MEX3D: variants seen among roughly 807,000 people sequenced by gnomAD.
MEX3D encodes mex-3 RNA binding family member D.
MEX3D carries 4 observed loss-of-function variants against 6.3 expected under a neutral mutation model. The observed-to-expected ratio is 0.64, with a 90% CI of 0.31 to 1.46. The LOEUF (loss-of-function observed/expected upper bound fraction) is 1.46, where lower values mean the gene tolerates loss of function less well. Among genes scored for constraint, MEX3D ranks in the 40% most tolerant of loss-of-function variants. The pLI is 0.07. For synonymous variants in MEX3D, 626 were observed against 494.1 expected (o/e 1.27, Z -3.54); for missense variants, 1,038 against 994.4 (o/e 1.04, Z -0.59).
Position 1,555,977 on chromosome 19 carries a change from C to T in MEX3D, c.1542G>A (p.Ser514=), listed in dbSNP as rs911852160. 7.9e-4 allele frequency: 926 copies of T among 1,172,960 alleles called. No individual in the cohort carries two copies. Among genetic ancestry groups the T allele is most frequent in the Non-Finnish European group, 9.2e-4 (873 of 949,724 alleles). The allele number at this position is 1,172,960 out of a possible 1,614,324, so 72.7% of individuals were successfully genotyped here. The change falls in exon 2 of 2, where the codon TCG becomes TCA. Residue 514 remains serine (S), a synonymous_variant. Coordinates refer to ENST00000402693, the MANE Select transcript of MEX3D (RefSeq NM_203304.4). ...RSSGAGTPRH[S]PTLPEPGGLR... is the part of the protein sequence containing the mutation. ...GGCCGCCGGGCTCGGGCAGCGTGGGCGAGTGGCGGGGGGTCCCGGCCCCAC... is the reference window on the plus strand; with the variant it reads ...GGCCGCCGGGCTCGGGCAGCGTGGGTGAGTGGCGGGGGGTCCCGGCCCCAC...
Position 1,555,901 on chromosome 19 carries a change from C to T in MEX3D, c.1618G>A (p.Ala540Thr), listed in dbSNP as rs970362498. The T allele has an allele frequency of 1.8e-5, 22 of 1,234,010 alleles. No individual in the cohort carries two copies. Among genetic ancestry groups the T allele is most frequent in the African/African-American group, 3.2e-5 (2 of 62,408 alleles). 76.4% of individuals were successfully genotyped at this position (1,234,010 alleles called of 1,614,324 possible). ...CCCTGCGGGGGTCGCCAGGACAGCGCGCCCACCGGGTCCGGGGCGCCACGG... is the reference window on the plus strand; with the variant it reads ...CCCTGCGGGGGTCGCCAGGACAGCGTGCCCACCGGGTCCGGGGCGCCACGG... ...SRRGAPDPVGALSWRPPQGPV... is the reference protein window; with the variant it reads ...SRRGAPDPVGTLSWRPPQGPV... The change falls in exon 2 of 2, where the codon GCG becomes ACG. Residue 540 changes from alanine (A) to threonine (T), a missense_variant. By Grantham distance (58) the Ala-to-Thr change is moderately conservative. Transcript: ENST00000402693.
At position 1,556,114 on chromosome 19, in the gene MEX3D, C is replaced by A. The variant is rs1460280023; in HGVS notation, c.1405G>T (p.Ala469Ser). 24 of 1,455,708 alleles carry A rather than the reference C, an allele frequency of 1.6e-5. No individual in the cohort carries two copies. The highest frequency in any genetic ancestry group is 2.1e-5 in the Non-Finnish European group (23 of 1,103,538). The allele number at this position is 1,455,708 out of a possible 1,614,324, so 90.2% of individuals were successfully genotyped here. A position where few individuals can be genotyped will look rare whatever the true frequency, so the allele number is the denominator to read the frequency against. ...TCAAAAGGCGCCCAGATGGTGGCCG[C>A]GGCGGGCACGGTCAGGTCCAGCGCC... The part of the protein sequence containing the change: ...FLALDLTVPA[A>S]ATIWAPFERA... The change falls in exon 2 of 2, where the codon GCG becomes TCG. Residue 469 changes from alanine (A) to serine (S), a missense_variant. By Grantham distance (99) the Ala-to-Ser change is moderately conservative (BLOSUM62 1). Coordinates refer to ENST00000402693, the MANE Select transcript of MEX3D (RefSeq NM_203304.4). This position sits in a 1 kb window ranked among gnomAD's most constrained non-coding sequence, Gnocchi z 7.5.
Position 1,555,825 on chromosome 19 carries a change from G to A in MEX3D, c.1694C>T (p.Pro565Leu), listed in dbSNP as rs907667502. The A allele has an allele frequency of 1.5e-6, 2 of 1,357,614 alleles. No individual in the cohort carries two copies. Among genetic ancestry groups the A allele is most frequent in the East Asian group, 3.2e-5 (1 of 31,314 alleles). 84.1% of individuals were successfully genotyped at this position (1,357,614 alleles called of 1,614,324 possible). The change falls in exon 2 of 2, where the codon CCC (proline) becomes CTC (leucine). Residue 565 changes from proline to leucine, a missense_variant. Physicochemically the swap from Pro to Leu is moderately conservative, Grantham distance 98. This residue lies in a region of MEX3D where 581 missense variants were observed against 516.2 expected (regional missense o/e 1.13). Transcript: ENST00000402693. Reference sequence around the variant, plus strand: ...GCAGGCGGCGGCCGCGGGGCTGCTGGGCAGCGAGGTGGCCGTGGAGAAGGC... The same window carrying A: ...GCAGGCGGCGGCCGCGGGGCTGCTGAGCAGCGAGGTGGCCGTGGAGAAGGC... ...GAAFSTATSL[P>L]SSPAAAACAP...
chr19:1,558,980 GTT>G (rs113227025), intron 1 of MEX3D, among the ~76,000 whole-genome samples: 4 of 144,164 alleles, frequency 2.8e-5, no homozygotes, highest in African/African-American at 7.6e-5. Flanking sequence ...GGCCTTAATG[GTT>G]TTTTTTTTTT....
chr19:1,567,805 TCCCCGGCCGC>T lies in MEX3D; in HGVS notation c.244_253del (p.Ala82ThrfsTer83). 1 of 874,314 alleles carries T rather than the reference TCCCCGGCCGC, an allele frequency of 1.1e-6. No individual in the cohort carries two copies. The highest frequency in any genetic ancestry group is 1.4e-6 in the Non-Finnish European group (1 of 736,868). 54.2% of individuals were successfully genotyped at this position (874,314 alleles called of 1,614,324 possible). ...CGCGCCCCCCGCCGCCGCTGCGCCG[TCCCCGGCCGC>T]CCCCTCCTCGTCCGTGTCGCCAGCG... On this transcript the variant is annotated frameshift_variant, in exon 1 of 2. Transcript: ENST00000402693. LOFTEE classifies it high-confidence loss of function. This position sits in a 1 kb window ranked among gnomAD's most constrained non-coding sequence, Gnocchi z 6.5.
At chr19:1,559,714 A>G (rs1914671027) in intron 1 of MEX3D, among the ~76,000 whole-genome samples, 1 of 152,210 alleles carries the variant, frequency 6.6e-6, no homozygotes, top group African/African-American at 2.4e-5. Context: ...TGAAATGAGC[A>G]GGATCAGCAC....
chr19:1,565,687 C>T (rs1402994769), intron 1 of MEX3D, among the ~76,000 whole-genome samples: 1 of 152,208 alleles, frequency 6.6e-6, no homozygotes. Flanking sequence ...ACTCTACCCC[C>T]GACCCCCACT....
rs1022714724 is a variant in MEX3D at position 1,555,494 on chromosome 19, G to A, written c.*69C>T. ...CCTCCCCGTCCCTCTCCCACCCCGGGTCCCGCCCCGTCTCCCGCGCCCACC... is the reference window on the plus strand; with the variant it reads ...CCTCCCCGTCCCTCTCCCACCCCGGATCCCGCCCCGTCTCCCGCGCCCACC... On this transcript the variant is annotated 3_prime_UTR_variant, in exon 2 of 2. Transcript: ENST00000402693. 1.8e-5 allele frequency: 26 copies of A among 1,424,110 alleles called. No homozygotes were observed. The highest frequency in any genetic ancestry group is 3.0e-5 in the African/African-American group (2 of 66,486). The allele number at this position is 1,424,110 out of a possible 1,614,324, so 88.2% of individuals were successfully genotyped here. A position where few individuals can be genotyped will look rare whatever the true frequency, so the allele number is the denominator to read the frequency against.
At chr19:1,558,287 C>T (rs561636499) in intron 1 of MEX3D, among the ~76,000 whole-genome samples, 1 of 151,516 alleles carries the variant, frequency 6.6e-6, no homozygotes, top group Non-Finnish European at 1.5e-5. Flanking sequence ...ATCACCTGAG[C>T]CCGGGAGGTG....
chr19:1,555,268 A>T lies in MEX3D; in HGVS notation c.*295T>A, dbSNP rs1285583446. 2.0e-6 allele frequency: 3 copies of T among 1,509,304 alleles called. No homozygotes were observed. Among genetic ancestry groups the T allele is most frequent in the Non-Finnish European group, 2.7e-6 (3 of 1,113,020 alleles). The allele number at this position is 1,509,304 out of a possible 1,614,324, so 93.5% of individuals were successfully genotyped here. A position where few individuals can be genotyped will look rare whatever the true frequency, so the allele number is the denominator to read the frequency against. On this transcript the variant is annotated 3_prime_UTR_variant, in exon 2 of 2. Coordinates refer to ENST00000402693, the MANE Select transcript of MEX3D (RefSeq NM_203304.4). Reference sequence around the variant, plus strand: ...ACCCTGGAGGGGAGGGGTGTCTAAAAATAAGAAAACTAAAAAAAGTGCAAG... The same window carrying T: ...ACCCTGGAGGGGAGGGGTGTCTAAATATAAGAAAACTAAAAAAAGTGCAAG...
chr19:1,558,816 G>A (rs1453624330), intron 1 of MEX3D, among the ~76,000 whole-genome samples: 1 of 152,196 alleles, frequency 6.6e-6, no homozygotes, highest in Non-Finnish European at 1.5e-5. Flanking sequence ...GGGGCCTGCT[G>A]TGGCTTTGTT....
In MEX3D at chr19:1,555,529, C is replaced by T. The variant is rs749392960; in HGVS notation, c.*34G>A. 6 of 1,535,802 alleles carry T rather than the reference C, an allele frequency of 3.9e-6. No homozygotes were observed. The highest frequency in any genetic ancestry group is 3.9e-5 in the Admixed American group (2 of 50,656). On this transcript the variant is annotated 3_prime_UTR_variant, in exon 2 of 2. Coordinates refer to ENST00000402693, the MANE Select transcript of MEX3D (RefSeq NM_203304.4). ...GTCTCCCGCGCCCACCCCTGGCCCCCGCAGATGGCCCCGGCCACGTGGTGG... is the reference window on the plus strand; with the variant it reads ...GTCTCCCGCGCCCACCCCTGGCCCCTGCAGATGGCCCCGGCCACGTGGTGG...
rs528808786 is a variant in MEX3D at position 1,555,253 on chromosome 19, G to A, written c.*310C>T. 3.7e-5 allele frequency: 53 copies of A among 1,417,126 alleles called. No homozygotes were observed. Among genetic ancestry groups the A allele is most frequent in the East Asian group, 2.1e-4 (7 of 33,948 alleles). 87.8% of individuals were successfully genotyped at this position (1,417,126 alleles called of 1,614,324 possible). ...GCTTTTTTAAAGATCACCCTGGAGG[G>A]GAGGGGTGTCTAAAAATAAGAAAAC... On this transcript the variant is annotated 3_prime_UTR_variant, in exon 2 of 2. Coordinates refer to ENST00000402693, the MANE Select transcript of MEX3D (RefSeq NM_203304.4).
At chr19:1,557,743 C>T (rs1285919747) in intron 1 of MEX3D, among the ~76,000 whole-genome samples, 2 of 150,828 alleles carry the variant, frequency 1.3e-5, no homozygotes, top group Admixed American at 6.6e-5. Context: ...TCTGTAGTCC[C>T]AGGTACTCGG....
rs771812461 is a variant in MEX3D, at chr19:1,567,444, C to T, written c.595+20G>A. On this transcript the variant is annotated intron_variant, in intron 1 of 1. Coordinates refer to ENST00000402693, the MANE Select transcript of MEX3D (RefSeq NM_203304.4). This position sits in a 1 kb window ranked among gnomAD's most constrained non-coding sequence, Gnocchi z 6.5. ...GTGCGGGGACCCCCAGGACAGCAAC[C>T]CCCGACGAGGGCCACTCACCCTGGC... 1.5e-5 allele frequency: 24 copies of T among 1,556,910 alleles called. No individual in the cohort carries two copies. Among genetic ancestry groups the T allele is most frequent in the Non-Finnish European group, 2.0e-5 (23 of 1,154,440 alleles).
At chr19:1,560,928 C>A (rs1391360527) in intron 1 of MEX3D, among the ~76,000 whole-genome samples, 4 of 152,228 alleles carry the variant, frequency 2.6e-5, no homozygotes, top group Admixed American at 1.3e-4. Context: ...GGAAATGACA[C>A]AGCGAGGCTA....
chr19:1,555,470 C>G lies in MEX3D; in HGVS notation c.*93G>C. The G allele has an allele frequency of 6.7e-7, 1 of 1,495,116 alleles. No homozygotes were observed. Among genetic ancestry groups the G allele is most frequent in the Non-Finnish European group, 9.0e-7 (1 of 1,113,646 alleles). The allele number at this position is 1,495,116 out of a possible 1,614,324, so 92.6% of individuals were successfully genotyped here. ...CCCCTCGGCCTCCGCCCCTCGCCCC[C>G]TCCCCGTCCCTCTCCCACCCCGGGT... is the stretch of plus-strand genomic sequence containing the variant. On this transcript the variant is annotated 3_prime_UTR_variant, in exon 2 of 2. Transcript: ENST00000402693.
intron 1 of MEX3D, among the ~76,000 whole-genome samples, chr19:1,557,422 C>G (rs1001163289): frequency 6.7e-6 from 1 of 149,024 alleles, no homozygotes; most frequent in Non-Finnish European, 1.5e-5. Flanking sequence ...AGCAATCATC[C>G]GGGTGTAGCG....
Position 1,567,977 on chromosome 19 carries a change from G to C in MEX3D, c.82C>G (p.Pro28Ala), listed in dbSNP as rs2145580026. The C allele has an allele frequency of 1.0e-6, 1 of 978,002 alleles. No homozygotes were observed. The highest frequency in any genetic ancestry group is 4.6e-5 in the South Asian group (1 of 21,968). 60.6% of individuals were successfully genotyped at this position (978,002 alleles called of 1,614,324 possible). Residue 28 changes from proline (P) to alanine (A), a missense_variant, in exon 1 of 2, where the codon CCC becomes GCC. Physicochemically the swap from Pro to Ala is conservative, Grantham distance 27. Coordinates refer to ENST00000402693, the MANE Select transcript of MEX3D (RefSeq NM_203304.4). This position sits in a 1 kb window ranked among gnomAD's most constrained non-coding sequence, Gnocchi z 6.5. The stretch of plus-strand genomic sequence containing the variant: ...GGCGGGGGCGCAGGTCCGGGTCCGG[G>C]GTCCTCCCCCGCCGCCCCCACGCCG... Reference protein sequence around the residue: ...GGGVGAAGEDPGPGPAPPPEG... With the variant: ...GGGVGAAGEDAGPGPAPPPEG...
Sources: gnomAD v4.1 joint callset for allele counts (sites outside exome capture counted in the v4.1 genomes callset) on GRCh38, gnomAD v4.1.1 for gene constraint, gnomAD v4.1.1 regional missense constraint, Gnocchi (gnomAD v3.1) non-coding constraint, MANE v1.5 for transcripts, NCBI Gene and HGNC (gene_info 2026-07-23, HGNC 2026-07-21) for gene names.